Variants in SLC10A2 observed in about 807,000 individuals in gnomAD.
SLC10A2 encodes solute carrier family 10 member 2.
SLC10A2 carries 34 observed loss-of-function variants against 27.1 expected under a neutral mutation model. The ratio of observed to expected loss-of-function variants is 1.26; its 90% confidence interval spans 0.96 to 1.67. SLC10A2 has a LOEUF of 1.67. SLC10A2 is among the 40% of genes most tolerant of loss of function. The pLI is 0.00. For synonymous variants in SLC10A2, 205 were observed against 174.0 expected, an observed-to-expected ratio of 1.18 and a Z score of -1.40; for missense variants, 530 against 444.4, an observed-to-expected ratio of 1.19 and a Z score of -1.73.
chr13:103,055,062 G>A (rs1875902546), intron 2 of SLC10A2, among the ~76,000 whole-genome samples: 1 of 152,154 alleles, frequency 6.6e-6, no homozygotes, highest in Non-Finnish European at 1.5e-5. Flanking sequence ...GATTCATGTG[G>A]TGGGACTGGG....
At position 103,052,635 on chromosome 13, in the gene SLC10A2, T is replaced by C. The variant is rs2138915427; in HGVS notation, c.570A>G (p.Ala190=). 1 of 1,609,452 alleles carries C rather than the reference T, an allele frequency of 6.2e-7. No homozygotes were observed. The part of the protein sequence containing the change: ...MFVNHKWPQK[A]KIILKIGSIA... ...GGATACTTACTTTAAGTATGATCTT[T>C]GCTTTTTGGGGCCATTTGTGATTAA... The change falls in exon 3 of 6, where the codon GCA becomes GCG. Residue 190 remains alanine (A), a synonymous_variant. Coordinates refer to ENST00000245312, the MANE Select transcript of SLC10A2 (RefSeq NM_000452.3).
At chr13:103,061,588 C>T (rs1876120864) in intron 1 of SLC10A2, among the ~76,000 whole-genome samples, 1 of 151,438 alleles carries the variant, frequency 6.6e-6, no homozygotes, top group Non-Finnish European at 1.5e-5. Context: ...CCTTGCAAAA[C>T]CTTTAATTCT....
intron 1 of SLC10A2, among the ~76,000 whole-genome samples, chr13:103,063,843 T>A (rs1876198061): frequency 6.6e-6 from 1 of 152,096 alleles, no homozygotes; most frequent in Non-Finnish European, 1.5e-5. Flanking sequence ...GAGAGAATAA[T>A]TGATAATTAA....
chr13:103,045,425 G>A lies in SLC10A2; in HGVS notation c.*708C>T, dbSNP rs1212815334. 6.6e-6 allele frequency: 1 copy of A among 152,212 alleles called. No individual in the cohort carries two copies. Among genetic ancestry groups the A allele is most frequent in the Admixed American group, 6.6e-5 (1 of 15,258 alleles). 9.4% of individuals were successfully genotyped at this position (152,212 alleles called of 1,614,324 possible). A position where few individuals can be genotyped will look rare whatever the true frequency, so the allele number is the denominator to read the frequency against. ...CTTGGAAGATCTAGTGGGTATCACT[G>A]GACCCCTGAGGTAGAGCAATAGATG... On this transcript the variant is annotated 3_prime_UTR_variant, in exon 6 of 6. Coordinates refer to ENST00000245312, the MANE Select transcript of SLC10A2 (RefSeq NM_000452.3).
At position 103,058,318 on chromosome 13, in the gene SLC10A2, A is replaced by G. The variant is rs774640365; in HGVS notation, c.442T>C (p.Tyr148His). 1 of 1,613,860 alleles carries G rather than the reference A, an allele frequency of 6.2e-7. No homozygotes were observed. Among genetic ancestry groups the G allele is most frequent in the East Asian group, 2.2e-5 (1 of 44,866 alleles). ...CCAGAGTCGACCCACATTTTGGTATAGATAAGGAGGCACAGCGGCATCATT... is the reference window on the plus strand; with the variant it reads ...CCAGAGTCGACCCACATTTTGGTATGGATAAGGAGGCACAGCGGCATCATT... ...LGMMPLCLLI[Y>H]TKMWVDSGSI... is the part of the protein sequence containing the mutation. The change falls in exon 2 of 6, where the codon TAT (tyrosine) becomes CAT (histidine). Residue 148 changes from tyrosine (Y) to histidine (H), a missense_variant. Coordinates refer to ENST00000245312, the MANE Select transcript of SLC10A2 (RefSeq NM_000452.3).
chr13:103,065,729 C>T (rs973437729), intron 1 of SLC10A2, 144 bp downstream of exon 1: 12 of 897,958 alleles, frequency 1.3e-5, no homozygotes, highest in African/African-American at 1.1e-4. Flanking sequence ...CTAGAAGGCA[C>T]GGGAATGCAT....
chr13:103,060,426 C>A (rs115312535), intron 1 of SLC10A2, among the ~76,000 whole-genome samples: 2,350 of 149,058 alleles, frequency 0.016, 65 homozygotes, highest in African/African-American at 0.055. Context: ...TCTCTGTCAC[C>A]CAGGCCAGAG....
At chr13:103,056,854 G>T (rs887134244) in intron 2 of SLC10A2, among the ~76,000 whole-genome samples, 7 of 151,738 alleles carry the variant, frequency 4.6e-5, no homozygotes, top group Admixed American at 3.3e-4. Flanking sequence ...TTTTTTTTTG[G>T]TCTAATGGTA....
chr13:103,049,304 C>A lies in SLC10A2; in HGVS notation c.904G>T (p.Ala302Ser). Residue 302 changes from alanine (A) to serine (S), a missense_variant, in exon 5 of 6, where the codon GCA becomes TCA. Ala to Ser is a moderately conservative substitution (Grantham distance 99, BLOSUM62 1). Coordinates refer to ENST00000245312, the MANE Select transcript of SLC10A2 (RefSeq NM_000452.3). The stretch of plus-strand genomic sequence containing the variant: ...GATTCCTTACATCCTAAGAATATTG[C>A]GGCAAAGGCGAGCTGGAAAATGCTG... The part of the protein sequence containing the change: ...IYSIFQLAFA[A>S]IFLGFYVAYK... 1 of 1,613,470 alleles carries A rather than the reference C, an allele frequency of 6.2e-7. No individual in the cohort carries two copies. The highest frequency in any genetic ancestry group is 8.5e-7 in the Non-Finnish European group (1 of 1,179,654).
intron 2 of SLC10A2, among the ~76,000 whole-genome samples, chr13:103,053,846 C>G (rs1465212238): frequency 1.4e-5 from 2 of 139,704 alleles, no homozygotes; most frequent in Admixed American, 7.1e-5. Flanking sequence ...ACTAAGGGTA[C>G]TAAGAGTAGG....
At chr13:103,046,345 T>A (rs1875611587) in intron 5 of SLC10A2, 85 bp from the exon 6 acceptor site, 2 of 1,134,362 alleles carry the variant, frequency 1.8e-6, no homozygotes, top group Admixed American at 4.0e-5. Flanking sequence ...AACCTATGAT[T>A]CACATGGCAG....
chr13:103,061,865 T>C (rs1363701362), intron 1 of SLC10A2, among the ~76,000 whole-genome samples: 2 of 152,108 alleles, frequency 1.3e-5, no homozygotes, highest in African/African-American at 4.8e-5. Context: ...AGAAATAATA[T>C]AGAAGCCTAA....
rs1566510894 is a variant in SLC10A2 at position 103,049,449 on chromosome 13, AAAG to A, written c.762-6_762-4del. 6.2e-7 allele frequency: 1 copy of A among 1,613,864 alleles called. No homozygotes were observed. Among genetic ancestry groups the A allele is most frequent in the Admixed American group, 1.7e-5 (1 of 60,014 alleles). ...TTTCAAAAGCAACCGTTCGGCACCTAAAGAAGATGTTAAGAGAGCACATGTTTT... is the reference window on the plus strand; with the variant it reads ...TTTCAAAAGCAACCGTTCGGCACCTAAAGATGTTAAGAGAGCACATGTTTT... On this transcript the variant is annotated splice_region_variant and splice_polypyrimidine_tract_variant and intron_variant, in intron 4 of 5. Transcript: ENST00000245312.
intron 2 of SLC10A2, 122 bp downstream of exon 2, chr13:103,058,142 A>C: frequency 2.6e-6 from 2 of 773,744 alleles, no homozygotes; most frequent in South Asian, 2.7e-5. Flanking sequence ...TTATAATGAA[A>C]TCAGGCAAAA....
chr13:103,057,158 T>TG (rs1366511531), intron 2 of SLC10A2, among the ~76,000 whole-genome samples: 1 of 152,040 alleles, frequency 6.6e-6, no homozygotes, highest in Admixed American at 6.6e-5. Context: ...CCAAGGTCAG[T>TG]GGGGAAAAAA....
chr13:103,063,519 T>G (rs1316348967), intron 1 of SLC10A2, among the ~76,000 whole-genome samples: 1 of 152,194 alleles, frequency 6.6e-6, no homozygotes, highest in Non-Finnish European at 1.5e-5. Flanking sequence ...TCTAAGTAAA[T>G]TATCAGGAGA....
Position 103,066,166 on chromosome 13 carries a change from G to T in SLC10A2, c.84C>A (p.Asn28Lys). Residue 28 changes from asparagine to lysine, a missense_variant, in exon 1 of 6, where the codon AAC (asparagine) becomes AAA (lysine). Transcript: ENST00000245312. Reference sequence around the variant, plus strand: ...CCGTACTTAGGACCACACTTAGGATGTTATTGAAATTGCTCTCAGGTACCA... The same window carrying T: ...CCGTACTTAGGACCACACTTAGGATTTTATTGAAATTGCTCTCAGGTACCA... ...SCVVPESNFN[N>K]ILSVVLSTVL... is the part of the protein sequence containing the mutation. The T allele has an allele frequency of 6.2e-7, 1 of 1,614,064 alleles. No homozygotes were observed. Among genetic ancestry groups the T allele is most frequent in the Non-Finnish European group, 8.5e-7 (1 of 1,179,970 alleles).
intron 3 of SLC10A2, among the ~76,000 whole-genome samples, chr13:103,051,886 G>T (rs1266880776): frequency 6.6e-6 from 1 of 152,074 alleles, no homozygotes; most frequent in East Asian, 1.9e-4. Flanking sequence ...GAGAAAATGG[G>T]TATAGAACTC....
intron 1 of SLC10A2, among the ~76,000 whole-genome samples, chr13:103,064,909 A>G (rs1351500363): frequency 6.6e-6 from 1 of 152,206 alleles, no homozygotes; most frequent in African/African-American, 2.4e-5. Context: ...TGGGTACTCT[A>G]TCAATCCAGT....
Sources: gnomAD v4.1 joint callset for allele counts (sites outside exome capture counted in the v4.1 genomes callset) on GRCh38, gnomAD v4.1.1 for gene constraint, MANE v1.5 for transcripts, NCBI Gene and HGNC (gene_info 2026-07-23, HGNC 2026-07-21) for gene names.